KRT79: variants seen among roughly 807,000 people sequenced by gnomAD.
KRT79 encodes keratin 79.
KRT79 carries 51 observed loss-of-function variants against 49.0 expected under a neutral mutation model. The ratio of observed to expected loss-of-function variants is 1.04; its 90% CI spans 0.83 to 1.31. The LOEUF (loss-of-function observed/expected upper bound fraction) is 1.31. KRT79 is among the 40% of genes most tolerant of loss of function. KRT79 has a pLI of 0.00. For synonymous variants in KRT79, 312 were observed against 286.6 expected (o/e 1.09, Z -0.90); for missense variants, 728 against 688.0 (o/e 1.06, Z -0.65).
chr12:52,833,905 A>G lies in KRT79; in HGVS notation c.356T>C (p.Val119Ala). ...GAGGGGGGTCAGCAGGCTCTGGTTG[A>G]CAGTGACCTCCTGGATCCCCCCAGG... The part of the protein sequence containing the change: ...CPPGGIQEVT[V>A]NQSLLTPLHV... Residue 119 changes from valine to alanine, a missense_variant, in exon 1 of 9, where the codon GTC (valine) becomes GCC (alanine). Val to Ala is a moderately conservative substitution (Grantham distance 64, BLOSUM62 0). Transcript: ENST00000330553. The G allele has an allele frequency of 6.2e-7, 1 of 1,613,596 alleles. No homozygotes were observed. Among genetic ancestry groups the G allele is most frequent in the Non-Finnish European group, 8.5e-7 (1 of 1,179,802 alleles).
In KRT79 at chr12:52,821,972, G is replaced by T. The variant is rs1337085346; in HGVS notation, c.1508C>A (p.Thr503Lys). ...SGGATKGGFS[T>K]NVGYSTVKGG... ...CTTGACGGTGCTATAGCCCACATTT[G>T]TGCTGAATCCACCCTTGGTGGCCCC... The change falls in exon 9 of 9, where the codon ACA becomes AAA. Residue 503 changes from threonine (T) to lysine (K), a missense_variant. Thr to Lys is a moderately conservative substitution (Grantham distance 78). Coordinates refer to ENST00000330553, the MANE Select transcript of KRT79 (RefSeq NM_175834.3). The T allele has an allele frequency of 1.2e-6, 2 of 1,614,218 alleles. No individual in the cohort carries two copies. The highest frequency in any genetic ancestry group is 1.7e-6 in the Non-Finnish European group (2 of 1,180,042).
chr12:52,834,015 C>A lies in KRT79; in HGVS notation c.246G>T (p.Gly82=). Reference sequence around the variant, plus strand: ...CAAAGCCAAAGCCCCCCAGAGCCCGCCCCAACAAGGCCCCTCCGGCCACAC... The same window carrying A: ...CAAAGCCAAAGCCCCCCAGAGCCCGACCCAACAAGGCCCCTCCGGCCACAC... The part of the protein sequence containing the change: ...SVSVAGGALL[G]RALGGFGFGS... Residue 82 remains glycine (G), a synonymous_variant, in exon 1 of 9, where the codon GGG becomes GGT. Coordinates refer to ENST00000330553, the MANE Select transcript of KRT79 (RefSeq NM_175834.3). 2.5e-6 allele frequency: 4 copies of A among 1,612,694 alleles called. No individual in the cohort carries two copies. Among genetic ancestry groups the A allele is most frequent in the Non-Finnish European group, 3.4e-6 (4 of 1,179,296 alleles).
chr12:52,824,291 C>T lies in KRT79; in HGVS notation c.927G>A (p.Leu309=). 1.9e-6 allele frequency: 3 copies of T among 1,614,228 alleles called. No individual in the cohort carries two copies. The highest frequency in any genetic ancestry group is 2.2e-5 in the East Asian group (1 of 44,882). The change falls in exon 5 of 9, where the codon CTG becomes CTA. Residue 309 remains leucine, a synonymous_variant. Transcript: ENST00000330553. ...CCTCGGCGATGATGCTGTCCAGGTCCAGGTTGCGGTTGTTGTCCATGGACA... is the reference window on the plus strand; with the variant it reads ...CCTCGGCGATGATGCTGTCCAGGTCTAGGTTGCGGTTGTTGTCCATGGACA... ...VVLSMDNNRN[L]DLDSIIAEVK...
chr12:52,828,321 A>G (rs1395083381), intron 4 of KRT79, among the ~76,000 whole-genome samples: 1 of 152,226 alleles, frequency 6.6e-6, no homozygotes, highest in Non-Finnish European at 1.5e-5. Context: ...CTCTTTAACC[A>G]CAAATTATTG....
At chr12:52,827,944 G>A (rs993090929) in intron 4 of KRT79, among the ~76,000 whole-genome samples, 1 of 152,182 alleles carries the variant, frequency 6.6e-6, no homozygotes, top group Non-Finnish European at 1.5e-5. Context: ...GGACTGCCAA[G>A]GGAAGGAACG....
intron 4 of KRT79, among the ~76,000 whole-genome samples, chr12:52,827,070 C>T (rs1356641553): frequency 2.6e-5 from 4 of 152,236 alleles, no homozygotes; most frequent in Non-Finnish European, 4.4e-5. Context: ...GGTCCCCAAG[C>T]ACCATGTTCC....
At chr12:52,827,168 G>T (rs1331594587) in intron 4 of KRT79, among the ~76,000 whole-genome samples, 2 of 152,166 alleles carry the variant, frequency 1.3e-5, no homozygotes, top group African/African-American at 4.8e-5. Flanking sequence ...CTTCCATCAA[G>T]ATCCAACTCA....
intron 4 of KRT79, among the ~76,000 whole-genome samples, chr12:52,825,970 C>A (rs1037231364): frequency 2.6e-5 from 4 of 152,130 alleles, no homozygotes; most frequent in African/African-American, 9.7e-5. Flanking sequence ...TCCCAGACTT[C>A]TCTGAAGGCC....
chr12:52,825,708 T>C (rs1182512555), intron 4 of KRT79, among the ~76,000 whole-genome samples: 23 of 152,190 alleles, frequency 1.5e-4, no homozygotes, highest in Admixed American at 1.5e-3. Flanking sequence ...AGTTTAGAGA[T>C]GCAATCAATC....
At position 52,824,158 on chromosome 12, in the gene KRT79, C is replaced by T. The variant is rs767688960; in HGVS notation, c.1020+40G>A. 25 of 1,613,610 alleles carry T rather than the reference C, an allele frequency of 1.5e-5. No individual in the cohort carries two copies. In the South Asian group the frequency reaches 2.3e-4, roughly 15 times the overall value. On this transcript the variant is annotated intron_variant, in intron 5 of 8. Coordinates refer to ENST00000330553, the MANE Select transcript of KRT79 (RefSeq NM_175834.3). ...GCCTCTCACGATGGGAGATCTGATC[C>T]GACCCCAGGCCTCACACCTGAGCCA...
intron 4 of KRT79, 135 bp downstream of exon 4, chr12:52,829,888 C>G: frequency 1.3e-6 from 1 of 742,016 alleles, no homozygotes; most frequent in Non-Finnish European, 2.3e-6. Context: ...GAAACTCCGT[C>G]TCAAAAAAAA....
At chr12:52,830,485 C>T (rs1008044543) in intron 2 of KRT79, 193 bp from the exon 3 acceptor site, 47 of 580,932 alleles carry the variant, frequency 8.1e-5, no homozygotes, top group Admixed American at 1.5e-4. Flanking sequence ...TCTCCCCACC[C>T]CATTTTAGGG....
In KRT79 at chr12:52,822,409, G is replaced by A. The variant is rs752775643; in HGVS notation, c.1368-30C>T. On this transcript the variant is annotated intron_variant, in intron 7 of 8. Transcript: ENST00000330553. ...GGGACACAGAAAGGCCAGGAGAGCA[G>A]TCAGTTATCCCTGGTGCCCACATGA... 6.6e-6 allele frequency: 10 copies of A among 1,515,476 alleles called. No homozygotes were observed. In the Admixed American group the frequency reaches 1.4e-4, roughly 21 times the overall value. 93.9% of individuals were successfully genotyped at this position (1,515,476 alleles called of 1,614,324 possible). A position where few individuals can be genotyped will look rare whatever the true frequency, so the allele number is the denominator to read the frequency against.
chr12:52,827,916 T>C (rs1025980700), intron 4 of KRT79, among the ~76,000 whole-genome samples: 2 of 152,128 alleles, frequency 1.3e-5, no homozygotes, highest in Non-Finnish European at 2.9e-5. Context: ...TAGAAAAGCA[T>C]ACACTCAGAG....
chr12:52,827,335 G>C (rs1302293929), intron 4 of KRT79, among the ~76,000 whole-genome samples: 2 of 151,428 alleles, frequency 1.3e-5, no homozygotes, highest in Non-Finnish European at 1.5e-5. Flanking sequence ...CTATGTGGAA[G>C]GTGCTCAGTA....
At position 52,821,636 on chromosome 12, in the gene KRT79, C is replaced by A; in HGVS notation, c.*236G>T. 4 of 565,212 alleles carry A rather than the reference C, an allele frequency of 7.1e-6. No homozygotes were observed. The highest frequency in any genetic ancestry group is 3.1e-5 in the Admixed American group (1 of 32,604). The allele number at this position is 565,212 out of a possible 1,614,324, so 35.0% of individuals were successfully genotyped here. A position where few individuals can be genotyped will look rare whatever the true frequency, so the allele number is the denominator to read the frequency against. The stretch of plus-strand genomic sequence containing the variant: ...GTCAAAAGGTCACCCCCAAGTCACC[C>A]AAGCACATCACTCAAGCTGGCAACT... On this transcript the variant is annotated 3_prime_UTR_variant, in exon 9 of 9. Transcript: ENST00000330553.
rs1371823629 is a variant in KRT79 at position 52,834,236 on chromosome 12, T to A, written c.25A>T (p.Thr9Ser). The A allele has an allele frequency of 6.2e-7, 1 of 1,613,490 alleles. No homozygotes were observed. Among genetic ancestry groups the A allele is most frequent in the Admixed American group, 1.7e-5 (1 of 60,008 alleles). The part of the protein sequence containing the change: MRSSVSRQ[T>S]YSTKGGFSSN... The stretch of plus-strand genomic sequence containing the variant: ...CTGAAGCCCCCTTTTGTGGAGTATG[T>A]TTGCCGAGAGACGGAGGACCTCATA... The change falls in exon 1 of 9, where the codon ACA becomes TCA. Residue 9 changes from threonine to serine, a missense_variant. Coordinates refer to ENST00000330553, the MANE Select transcript of KRT79 (RefSeq NM_175834.3).
chr12:52,829,468 C>T (rs1940219428), intron 4 of KRT79, among the ~76,000 whole-genome samples: 1 of 152,176 alleles, frequency 6.6e-6, no homozygotes, highest in Non-Finnish European at 1.5e-5. Flanking sequence ...AACTCTGAGC[C>T]CCAGGGTCCT....
At position 52,823,991 on chromosome 12, in the gene KRT79, C is replaced by G; in HGVS notation, c.1042G>C (p.Ala348Pro). The stretch of plus-strand genomic sequence containing the variant: ...CGCAGGTTGTCCCCATGCTTCCCAG[C>G]AGTCACCTGCAGCTCCTCATACTGG... Reference protein sequence around the residue: ...QTKYEELQVTAGKHGDNLRDT... With the variant: ...QTKYEELQVTPGKHGDNLRDT... The change falls in exon 6 of 9, where the codon GCT becomes CCT. Residue 348 changes from alanine to proline, a missense_variant. Coordinates refer to ENST00000330553, the MANE Select transcript of KRT79 (RefSeq NM_175834.3). 6.2e-7 allele frequency: 1 copy of G among 1,614,192 alleles called. No homozygotes were observed. The highest frequency in any genetic ancestry group is 8.5e-7 in the Non-Finnish European group (1 of 1,180,036).
Sources: gnomAD v4.1 joint callset for allele counts (sites outside exome capture counted in the v4.1 genomes callset) on GRCh38, gnomAD v4.1.1 for gene constraint, MANE v1.5 for transcripts, NCBI Gene and HGNC (gene_info 2026-07-23, HGNC 2026-07-21) for gene names.